OR9Q1: variants seen among roughly 807,000 people sequenced by gnomAD.
OR9Q1 encodes the protein olfactory receptor 9Q1.
For synonymous variants in OR9Q1, 153 were observed against 148.6 expected, an observed-to-expected ratio of 1.03 and a Z score of -0.22; for missense variants, 374 against 378.8, an observed-to-expected ratio of 0.99 and a Z score of 0.11.
chr11:58,088,775 C>T (rs1432195404), intron 2 of OR9Q1, among the ~76,000 whole-genome samples: 1 of 151,718 alleles, frequency 6.6e-6, no homozygotes, highest in Admixed American at 6.6e-5. Context: ...CTGTAGGTTG[C>T]CTGTTCACTC....
chr11:58,153,887 G>A (rs1298801483), intron 2 of OR9Q1, among the ~76,000 whole-genome samples: 1 of 152,174 alleles, frequency 6.6e-6, no homozygotes, highest in Non-Finnish European at 1.5e-5. Flanking sequence ...ATTAGGATTT[G>A]AGGGAAGGAA....
At chr11:58,174,556 C>T in intron 2 of OR9Q1, among the ~76,000 whole-genome samples, 1 of 151,168 alleles carries the variant, frequency 6.6e-6, no homozygotes, top group East Asian at 1.9e-4. Context: ...TATTATCATA[C>T]TAAAATCTTC....
intron 2 of OR9Q1, among the ~76,000 whole-genome samples, chr11:58,065,546 G>A (rs530619448): frequency 1.3e-5 from 2 of 152,262 alleles, no homozygotes; most frequent in Admixed American, 6.5e-5. Flanking sequence ...GTTAAGCCTT[G>A]GAAACAGTTC....
intron 2 of OR9Q1, among the ~76,000 whole-genome samples, chr11:58,176,589 G>A (rs925937912): frequency 6.6e-6 from 1 of 152,188 alleles, no homozygotes; most frequent in Non-Finnish European, 1.5e-5. Flanking sequence ...ATCAGATTTT[G>A]CAGATCTGGA....
intron 2 of OR9Q1, among the ~76,000 whole-genome samples, chr11:58,081,056 G>A (rs1280351903): frequency 6.6e-6 from 1 of 152,008 alleles, no homozygotes; most frequent in Non-Finnish European, 1.5e-5. Context: ...CTATGAATGA[G>A]AACATGTGGT....
chr11:58,093,391 T>TACAAATGACCAACAAGCATGTGAAA (rs1853701692), intron 2 of OR9Q1, among the ~76,000 whole-genome samples: 1 of 152,038 alleles, frequency 6.6e-6, no homozygotes, highest in South Asian at 2.1e-4. Context: ...AAGGAAAACA[T>TACAAATGACCAACAAGCATGTGAAA]ACAAATGACC....
intron 2 of OR9Q1, among the ~76,000 whole-genome samples, chr11:58,081,882 G>A (rs1356392111): frequency 6.7e-6 from 1 of 149,520 alleles, no homozygotes; most frequent in Non-Finnish European, 1.5e-5. Flanking sequence ...GCTTTCTTAA[G>A]ATATTAGTTA....
chr11:58,152,158 G>C (rs1271278191), intron 2 of OR9Q1, among the ~76,000 whole-genome samples: 2 of 152,172 alleles, frequency 1.3e-5, no homozygotes, highest in East Asian at 3.9e-4. Flanking sequence ...CCGGGGAGGT[G>C]CTGGTGGCAG....
At chr11:58,039,643 C>T (rs1853140986) in intron 1 of OR9Q1, among the ~76,000 whole-genome samples, 2 of 152,184 alleles carry the variant, frequency 1.3e-5, no homozygotes, top group Admixed American at 6.5e-5. Flanking sequence ...GTGACAGTCA[C>T]CTGTCCTCAT....
At chr11:58,050,276 C>A (rs1853261032) in intron 1 of OR9Q1, among the ~76,000 whole-genome samples, 4 of 144,404 alleles carry the variant, frequency 2.8e-5, no homozygotes, top group South Asian at 4.5e-4. Context: ...CGGAACAGAG[C>A]CCTCAGAAAT....
intron 1 of OR9Q1, among the ~76,000 whole-genome samples, chr11:58,036,892 C>T (rs980201462): frequency 2.6e-5 from 4 of 152,098 alleles, no homozygotes; most frequent in Non-Finnish European, 5.9e-5. Context: ...GTTGAAATTA[C>T]AATAAAAGGA....
chr11:58,179,865 C>A lies in OR9Q1; in HGVS notation c.421C>A (p.Arg141Ser). The stretch of plus-strand genomic sequence containing the variant: ...TGTCACCATCCTGACACAGCAGGCC[C>A]GCTTGAGTCTTGTGGCTGGGGCTTA... ...LYVTILTQQA[R>S]LSLVAGAYVA... The change falls in exon 3 of 3, where the codon CGC becomes AGC. Residue 141 changes from arginine to serine, a missense_variant. Coordinates refer to ENST00000335397, the MANE Select transcript of OR9Q1 (RefSeq NM_001005212.4). 1.9e-6 allele frequency: 3 copies of A among 1,614,132 alleles called. No homozygotes were observed. The highest frequency in any genetic ancestry group is 1.7e-6 in the Non-Finnish European group (2 of 1,180,010).
chr11:58,050,732 G>A (rs1012418070), intron 1 of OR9Q1, among the ~76,000 whole-genome samples: 20 of 110,684 alleles, frequency 1.8e-4, no homozygotes, highest in African/African-American at 6.2e-4. Context: ...AATCTACAAT[G>A]AACTCAAACA....
intron 2 of OR9Q1, among the ~76,000 whole-genome samples, chr11:58,155,502 G>A (rs952908550): frequency 6.6e-6 from 1 of 152,200 alleles, no homozygotes; most frequent in Non-Finnish European, 1.5e-5. Flanking sequence ...GTCAGTGCCT[G>A]AGAGTGAGAA....
intron 2 of OR9Q1, among the ~76,000 whole-genome samples, chr11:58,129,245 G>C (rs1436821854): frequency 7.1e-6 from 1 of 140,936 alleles, no homozygotes; most frequent in South Asian, 2.2e-4. Context: ...TCGTGTGTGT[G>C]TGTGTGTGTG....
chr11:58,054,310 A>G (rs1223267946), intron 1 of OR9Q1, among the ~76,000 whole-genome samples: 1 of 151,836 alleles, frequency 6.6e-6, no homozygotes, highest in Non-Finnish European at 1.5e-5. Context: ...GAAACCTGGA[A>G]CTCTTTAAGA....
At chr11:58,116,688 T>C (rs1476960689) in intron 2 of OR9Q1, 1 of 152,218 alleles carries the variant, frequency 6.6e-6, no homozygotes, top group Admixed American at 6.5e-5. Context: ...TCTGAATCTC[T>C]TTTACATGTT....
intron 2 of OR9Q1, among the ~76,000 whole-genome samples, chr11:58,067,736 G>T (rs943480115): frequency 2.6e-5 from 4 of 152,178 alleles, no homozygotes; most frequent in Non-Finnish European, 5.9e-5. Context: ...TTTTACAAGT[G>T]GGAAATGGAA....
chr11:58,070,818 G>A (rs1853480619), intron 2 of OR9Q1, among the ~76,000 whole-genome samples: 1 of 152,166 alleles, frequency 6.6e-6, no homozygotes, highest in South Asian at 2.1e-4. Flanking sequence ...ATTCCATCTG[G>A]GTGGACAGTA....
Sources: allele counts gnomAD v4.1 joint callset (sites outside exome capture counted in the v4.1 genomes callset), GRCh38; gene constraint gnomAD v4.1.1; transcripts MANE v1.5; gene names NCBI Gene and HGNC (gene_info 2026-07-23, HGNC 2026-07-21).